Variants in TRPC7 observed in about 807,000 individuals in gnomAD.
TRPC7 encodes the protein transient receptor potential cation channel subfamily C member 7.
In TRPC7, 42 loss-of-function variants were observed where a neutral mutation model predicts 90.1. The ratio of observed to expected loss-of-function variants is 0.47; its 90% CI spans 0.36 to 0.60. The LOEUF is 0.60. Among genes scored for constraint, TRPC7 ranks in the 20% least tolerant of loss-of-function variants. The pLI is 0.00. For synonymous variants in TRPC7, 451 were observed against 436.3 expected (o/e 1.03, Z -0.42); for missense variants, 955 against 1,112.3 (o/e 0.86, Z 2.01).
chr5:136,226,466 T>C (rs1281009762), intron 8 of TRPC7: 2 of 569,084 alleles, frequency 3.5e-6, no homozygotes, highest in African/African-American at 3.8e-5. Context: ...TTCTTTGGAC[T>C]CATGGCTGAA....
At chr5:136,233,054 G>A (rs541162266) in intron 7 of TRPC7, among the ~76,000 whole-genome samples, 8 of 152,238 alleles carry the variant, frequency 5.3e-5, no homozygotes, top group African/African-American at 9.6e-5. Context: ...CAGCTCTCCC[G>A]AGTGTGATTG....
chr5:136,357,326 C>T lies in TRPC7; in HGVS notation c.62G>A (p.Gly21Asp). The T allele has an allele frequency of 6.2e-7, 1 of 1,606,800 alleles. No individual in the cohort carries two copies. Among genetic ancestry groups the T allele is most frequent in the Non-Finnish European group, 8.5e-7 (1 of 1,179,844 alleles). Residue 21 changes from glycine to aspartate, a missense_variant, in exon 2 of 12, where the codon GGC becomes GAC. Around this residue, in one of 4 missense-constraint regions of TRPC7, gnomAD observed 161 missense variants for 145.7 expected, o/e 1.10. Coordinates refer to ENST00000513104, the MANE Select transcript of TRPC7 (RefSeq NM_020389.3). ...GGGACCCCGGATGGCCTGGCGACGG[C>T]CCTTCTCCCTCAGCGTTGTGTGCCG... ...QRRHTTLREK[G>D]RRQAIRGPAY...
At chr5:136,256,533 T>C (rs1756691762) in intron 5 of TRPC7, among the ~76,000 whole-genome samples, 1 of 141,112 alleles carries the variant, frequency 7.1e-6, no homozygotes, top group Admixed American at 7.0e-5. Context: ...CACTGTGTCA[T>C]ATCCTTACCC....
At chr5:136,331,501 C>G (rs180714106) in intron 2 of TRPC7, among the ~76,000 whole-genome samples, 1 of 152,208 alleles carries the variant, frequency 6.6e-6, no homozygotes, top group East Asian at 1.9e-4. Context: ...AGGAACTCTC[C>G]TTTTAGTGCA....
chr5:136,351,845 C>T (rs1760203028), intron 2 of TRPC7, among the ~76,000 whole-genome samples: 1 of 152,176 alleles, frequency 6.6e-6, no homozygotes. Flanking sequence ...AAAATGATAG[C>T]ACAAACATTA....
At chr5:136,290,518 A>G (rs1422678051) in intron 3 of TRPC7, among the ~76,000 whole-genome samples, 1 of 152,248 alleles carries the variant, frequency 6.6e-6, no homozygotes, top group Admixed American at 6.5e-5. Flanking sequence ...AACTGATGTG[A>G]TCAACTGGAA....
intron 8 of TRPC7, chr5:136,226,489 G>A (rs1488701968): frequency 1.9e-6 from 1 of 539,070 alleles, no homozygotes; most frequent in Non-Finnish European, 3.3e-6. Flanking sequence ...GCCTCGACCA[G>A]TTCATATTAA....
intron 3 of TRPC7, among the ~76,000 whole-genome samples, chr5:136,287,041 C>T (rs1166682653): frequency 6.6e-6 from 1 of 152,132 alleles, no homozygotes. Context: ...GTCTTCCTTC[C>T]CTTTGACAGC....
rs551340827 is a variant in TRPC7 at position 136,310,621 on chromosome 5, G to T, written c.963+4976C>A. 4.6e-5 allele frequency among the ~76,000 whole-genome samples: 7 copies of T among 152,300 alleles called. No homozygotes were observed. The South Asian group carries it at 1.5e-3, about 32-fold the overall frequency. Reference sequence around the variant, plus strand: ...GAAGGAAAGATGGCTGGCACCAAGAGCAGAGGCCCCCAAACCAAGCTGCAT... The same window carrying T: ...GAAGGAAAGATGGCTGGCACCAAGATCAGAGGCCCCCAAACCAAGCTGCAT... On this transcript the variant is annotated intron_variant, in intron 3 of 11. Transcript: ENST00000513104.
chr5:136,310,718 C>A (rs2149836903), intron 3 of TRPC7, among the ~76,000 whole-genome samples: 1 of 152,322 alleles, frequency 6.6e-6, no homozygotes, highest in East Asian at 1.9e-4. Flanking sequence ...CTTTGCTCAG[C>A]TGGTGAAGTA....
intron 2 of TRPC7, among the ~76,000 whole-genome samples, chr5:136,329,954 T>C (rs1017624686): frequency 2.0e-5 from 3 of 152,118 alleles, no homozygotes; most frequent in African/African-American, 4.8e-5. Flanking sequence ...CCCAGCATTC[T>C]CTGTTTTCTC....
At chr5:136,238,433 C>T (rs1756060309) in intron 7 of TRPC7, among the ~76,000 whole-genome samples, 1 of 152,158 alleles carries the variant, frequency 6.6e-6, no homozygotes, top group African/African-American at 2.4e-5. Context: ...CGCTGGGAAA[C>T]TGAGGCAGAA....
chr5:136,291,406 G>T lies in TRPC7; in HGVS notation c.964-16569C>A, dbSNP rs183858679. Among the ~76,000 whole-genome samples, 35 of 152,302 alleles carry T rather than the reference G, an allele frequency of 2.3e-4. No individual in the cohort carries two copies. In the East Asian group the frequency reaches 2.7e-3, roughly 12 times the overall value. On this transcript the variant is annotated intron_variant, in intron 3 of 11. Coordinates refer to ENST00000513104, the MANE Select transcript of TRPC7 (RefSeq NM_020389.3). The stretch of plus-strand genomic sequence containing the variant: ...TGTATTCAGAAAACCCATCTCATGT[G>T]CAGAGACACACATAGGCTCAAAATA...
intron 2 of TRPC7, among the ~76,000 whole-genome samples, chr5:136,321,484 G>A (rs1418198832): frequency 6.6e-6 from 1 of 152,058 alleles, no homozygotes; most frequent in Non-Finnish European, 1.5e-5. Context: ...TCTGTACTAA[G>A]GTACACACTG....
At chr5:136,315,941 G>A (rs940037960) in intron 2 of TRPC7, 162 bp from the exon 3 acceptor site, 31 of 684,952 alleles carry the variant, frequency 4.5e-5, no homozygotes, top group Middle Eastern at 3.5e-4. Flanking sequence ...TGCAGAAGGC[G>A]GGGCAATTTC....
chr5:136,242,753 T>C (rs1323584256), intron 7 of TRPC7, among the ~76,000 whole-genome samples: 1 of 152,136 alleles, frequency 6.6e-6, no homozygotes, highest in Non-Finnish European at 1.5e-5. Context: ...CAGGGGCTTG[T>C]TAATGTTGAT....
intron 8 of TRPC7, among the ~76,000 whole-genome samples, chr5:136,228,436 C>CT (rs55851435): frequency 0.47 from 66,354 of 140,484 alleles, 15,344 homozygotes; most frequent in East Asian, 0.54. Flanking sequence ...TTTATAGTTC[C>CT]TTTTTTTTTT....
chr5:136,240,402 T>C (rs1460777500), intron 7 of TRPC7, among the ~76,000 whole-genome samples: 1 of 152,198 alleles, frequency 6.6e-6, no homozygotes, highest in Non-Finnish European at 1.5e-5. Context: ...TATTAATCTC[T>C]ATGGCCTCAG....
intron 3 of TRPC7, chr5:136,314,082 T>G (rs1446495049): frequency 6.6e-6 from 1 of 152,266 alleles, no homozygotes; most frequent in Non-Finnish European, 1.5e-5. Flanking sequence ...GTTGAAGTTG[T>G]GCATAATTAG....
Sources: gnomAD v4.1 joint callset for allele counts (sites outside exome capture counted in the v4.1 genomes callset) on GRCh38, gnomAD v4.1.1 for gene constraint, gnomAD v4.1.1 regional missense constraint, MANE v1.5 for transcripts, NCBI Gene and HGNC (gene_info 2026-07-23, HGNC 2026-07-21) for gene names.